PARD3B: variants seen among roughly 807,000 people sequenced by gnomAD.
PARD3B encodes the protein par-3 family cell polarity regulator beta.
In PARD3B, 103 loss-of-function variants were observed where a neutral mutation model predicts 130.2. The ratio of observed to expected loss-of-function variants is 0.79; its 90% CI spans 0.67 to 0.93. The LOEUF is 0.93. PARD3B is among the 40% of genes least tolerant of loss of function. The pLI is 0.00. For synonymous variants in PARD3B, 583 were observed against 553.2 expected, an observed-to-expected ratio of 1.05 and a Z score of -0.76; for missense variants, 1,609 against 1,499.2, an observed-to-expected ratio of 1.07 and a Z score of -1.21.
intron 15 of PARD3B, among the ~76,000 whole-genome samples, chr2:205,242,658 A>G (rs915424328): frequency 9.2e-5 from 14 of 152,172 alleles, no homozygotes; most frequent in African/African-American, 3.1e-4. Context: ...TTAGTTCTTT[A>G]TAATCCTGAG....
intron 4 of PARD3B, among the ~76,000 whole-genome samples, chr2:205,051,017 T>C (rs1699154713): frequency 6.6e-6 from 1 of 152,284 alleles, no homozygotes; most frequent in Non-Finnish European, 1.5e-5. Context: ...CATATAGCCC[T>C]ACGCTCACTT....
chr2:204,568,955 G>A (rs112267103), intron 1 of PARD3B, among the ~76,000 whole-genome samples: 10,616 of 123,850 alleles, frequency 0.086, 1,137 homozygotes, highest in African/African-American at 0.26. Flanking sequence ...ACTGTCTCAG[G>A]AAAAAAAAAA....
intron 22 of PARD3B, among the ~76,000 whole-genome samples, chr2:205,570,394 C>A (rs1480130074): frequency 6.6e-6 from 1 of 152,138 alleles, no homozygotes; most frequent in Non-Finnish European, 1.5e-5. Flanking sequence ...CACAGAATAG[C>A]AATGCCTTCA....
At chr2:205,365,745 G>A (rs182762904) in intron 18 of PARD3B, among the ~76,000 whole-genome samples, 29 of 152,220 alleles carry the variant, frequency 1.9e-4, no homozygotes, top group African/African-American at 6.7e-4. Context: ...CAAGCATAGC[G>A]TGTTGGGACT....
intron 1 of PARD3B, among the ~76,000 whole-genome samples, chr2:204,653,535 A>C (rs2035551505): frequency 6.6e-6 from 1 of 150,958 alleles, no homozygotes; most frequent in Non-Finnish European, 1.5e-5. Context: ...TCATGCCTGT[A>C]ATCCCAGCAC....
chr2:205,585,443 A>G lies in PARD3B; in HGVS notation c.3261-30013A>G, dbSNP rs2054161955. 6.6e-6 allele frequency among the ~76,000 whole-genome samples: 1 copy of G among 152,150 alleles called. No individual in the cohort carries two copies. The highest frequency in any genetic ancestry group is 2.1e-4 in the South Asian group (1 of 4,820). ...GTTTTTAAAGGGTTAATCCAACCTA[A>G]TGAATCATTTAATGGGGATGAGAAG... On this transcript the variant is annotated intron_variant, in intron 22 of 22. Transcript: ENST00000406610. The surrounding 1 kb of genome is among the most constrained non-coding windows in gnomAD (Gnocchi z 5.4).
chr2:205,206,794 A>G (rs972642909), intron 15 of PARD3B, among the ~76,000 whole-genome samples: 16 of 151,968 alleles, frequency 1.1e-4, no homozygotes, highest in African/African-American at 3.6e-4. Flanking sequence ...CACTGTCAAC[A>G]TTAGACAGAT....
At chr2:204,684,770 G>A (rs2036999851) in intron 1 of PARD3B, among the ~76,000 whole-genome samples, 1 of 152,134 alleles carries the variant, frequency 6.6e-6, no homozygotes, top group African/African-American at 2.4e-5. Flanking sequence ...ACAGAGTCAG[G>A]CATTTAAAGT....
chr2:204,569,508 C>T (rs923758561), intron 1 of PARD3B, among the ~76,000 whole-genome samples: 16 of 152,206 alleles, frequency 1.1e-4, no homozygotes, highest in African/African-American at 3.9e-4. Context: ...GGGAATGTGA[C>T]TGTGAATCAC....
At chr2:204,765,856 A>T (rs940324534) in intron 2 of PARD3B, among the ~76,000 whole-genome samples, 2 of 152,178 alleles carry the variant, frequency 1.3e-5, no homozygotes, top group Non-Finnish European at 2.9e-5. Flanking sequence ...GATGTGCTAG[A>T]GTATGAAACC....
chr2:205,000,466 T>A (rs1167411680), intron 3 of PARD3B, among the ~76,000 whole-genome samples: 1 of 152,200 alleles, frequency 6.6e-6, no homozygotes, highest in African/African-American at 2.4e-5. Context: ...TTATATTATG[T>A]TCCATGTATG....
rs150705853 is a variant in PARD3B at position 204,811,415 on chromosome 2, T to C, written c.222+125133T>C. ...TGTATACTACATGATGTTTGAAATG[T>C]TTATTTCATCTCCCATGGTACCTGG... On this transcript the variant is annotated intron_variant, in intron 2 of 22. Coordinates refer to ENST00000406610, the MANE Select transcript of PARD3B (RefSeq NM_001302769.2). Among the ~76,000 whole-genome samples the C allele has an allele frequency of 2.6e-4, 40 of 152,178 alleles. No homozygotes were observed. The East Asian group carries it at 7.7e-3, about 29-fold the overall frequency.
chr2:205,193,187 T>A lies in PARD3B; in HGVS notation c.2025-18T>A, dbSNP rs1400784122. ...TTTTATTCTAAACCTAAATACAACA[T>A]ATGGCTTCCTTCCACAGCTCTGGGG... On this transcript the variant is annotated intron_variant, in intron 14 of 22. Coordinates refer to ENST00000406610, the MANE Select transcript of PARD3B (RefSeq NM_001302769.2). 1.3e-6 allele frequency: 2 copies of A among 1,535,556 alleles called. No individual in the cohort carries two copies. Among genetic ancestry groups the A allele is most frequent in the African/African-American group, 1.4e-5 (1 of 73,066 alleles).
chr2:204,594,902 A>T (rs1294751982), intron 1 of PARD3B, among the ~76,000 whole-genome samples: 1 of 152,182 alleles, frequency 6.6e-6, no homozygotes, highest in African/African-American at 2.4e-5. Flanking sequence ...TCGTTTGATC[A>T]GGTGCTTTTA....
chr2:205,067,945 T>A lies in PARD3B; in HGVS notation c.504+20255T>A, dbSNP rs1700491307. 2.6e-5 allele frequency among the ~76,000 whole-genome samples: 4 copies of A among 152,198 alleles called. No individual in the cohort carries two copies. In the South Asian group the frequency reaches 6.2e-4, roughly 24 times the overall value. ...TTCACTTGTGACATTATCATCCACA[T>A]AACTGAGATAGTTCTGTACTTTTAT... On this transcript the variant is annotated intron_variant, in intron 4 of 22. Coordinates refer to ENST00000406610, the MANE Select transcript of PARD3B (RefSeq NM_001302769.2).
chr2:205,237,500 T>A (rs2125905747), intron 15 of PARD3B, among the ~76,000 whole-genome samples: 1 of 152,342 alleles, frequency 6.6e-6, no homozygotes, highest in East Asian at 1.9e-4. Flanking sequence ...TTTTCTGAAA[T>A]TATCATACCA....
chr2:204,919,138 C>G (rs984409248), intron 2 of PARD3B, among the ~76,000 whole-genome samples: 4 of 152,150 alleles, frequency 2.6e-5, no homozygotes, highest in African/African-American at 9.7e-5. Flanking sequence ...AACCATCTTT[C>G]AAGGCGTCTT....
At chr2:205,416,338 C>G (rs968195004) in intron 19 of PARD3B, among the ~76,000 whole-genome samples, 2 of 152,058 alleles carry the variant, frequency 1.3e-5, no homozygotes, top group Non-Finnish European at 2.9e-5. Context: ...GATAACCATT[C>G]CTTAATGAAT....
At chr2:204,791,165 A>G (rs2125475800) in intron 2 of PARD3B, among the ~76,000 whole-genome samples, 1 of 152,210 alleles carries the variant, frequency 6.6e-6, no homozygotes, top group Admixed American at 6.5e-5. Context: ...GAGCAAGCCC[A>G]AAGGCTTTCC....
Sources: gnomAD v4.1 joint callset for allele counts (sites outside exome capture counted in the v4.1 genomes callset) on GRCh38, gnomAD v4.1.1 for gene constraint, Gnocchi (gnomAD v3.1) non-coding constraint, MANE v1.5 for transcripts, NCBI Gene and HGNC (gene_info 2026-07-23, HGNC 2026-07-21) for gene names.